Variants in TDRKH observed in about 807,000 individuals in gnomAD.
The protein encoded by TDRKH is tudor and KH domain containing.
A neutral mutation model predicts 61.3 loss-of-function variants in TDRKH; 28 were observed. That is an observed-to-expected ratio of 0.46 (90% confidence interval 0.34 to 0.63). TDRKH has a LOEUF of 0.63. Among genes scored for constraint, TDRKH ranks in the 20% least tolerant of loss-of-function variants. The probability of loss-of-function intolerance (pLI) is 0.01; values close to 1 mark genes in which losing one functional copy is unlikely to be tolerated. For missense variants in TDRKH, 540 were observed against 683.4 expected, an observed-to-expected ratio of 0.79 and a Z score of 2.34; for synonymous variants, 219 against 244.4, an observed-to-expected ratio of 0.90 and a Z score of 0.97.
chr1:151,770,278 C>A (rs1648625193), downstream of TDRKH: 1 of 1,608,890 alleles, frequency 6.2e-7, no homozygotes, highest in African/African-American at 1.3e-5. Context: ...GCTGTTCTTC[C>A]TTGCTTTTCG....
downstream of TDRKH, chr1:151,766,786 G>A (rs1451075862): frequency 5.7e-6 from 9 of 1,582,102 alleles, no homozygotes; most frequent in East Asian, 2.3e-5. Context: ...GGAAAAACAC[G>A]TAACTACCTC....
downstream of TDRKH, chr1:151,768,341 A>G: frequency 6.9e-7 from 1 of 1,454,296 alleles, no homozygotes; most frequent in Non-Finnish European, 9.2e-7. Context: ...TAAGCAATCC[A>G]TTCACCTGGC....
At position 151,776,208 on chromosome 1, in the gene TDRKH, A is replaced by T. The variant is rs759789187; in HGVS notation, c.1105T>A (p.Ser369Thr). The T allele has an allele frequency of 2.5e-6, 4 of 1,614,194 alleles. No individual in the cohort carries two copies. The highest frequency in any genetic ancestry group is 3.4e-6 in the Non-Finnish European group (4 of 1,180,032). ...CCGAGGACCCGGGCTCGATACCAGG[A>T]ACCATTTGTAGGTAAAGGTGCTGCT... ...IVAAPLPTNG[S>T]WYRARVLGTL... The change falls in exon 8 of 13, where the codon TCC (serine) becomes ACC (threonine). Residue 369 changes from serine (S) to threonine (T), a missense_variant. Transcript: ENST00000368824.
chr1:151,778,849 G>T lies in TDRKH; in HGVS notation c.719C>A (p.Thr240Asn). 1 of 1,614,210 alleles carries T rather than the reference G, an allele frequency of 6.2e-7. No homozygotes were observed. Among genetic ancestry groups the T allele is most frequent in the Non-Finnish European group, 8.5e-7 (1 of 1,180,040 alleles). Residue 240 changes from threonine to asparagine, a missense_variant, in exon 6 of 13, where the codon ACC (threonine) becomes AAC (asparagine). Physicochemically the swap from Thr to Asn is moderately conservative, Grantham distance 65 (BLOSUM62 0). Coordinates refer to ENST00000368824, the MANE Select transcript of TDRKH (RefSeq NM_001083965.2). ...TGCAGTCGGCTCCATGCTAGAACTG[G>T]TGTTTTTCCATAATGCTGGCTCTCC... Reference protein sequence around the residue: ...GAGEPALWKNTSSSMEPTAPL... With the variant: ...GAGEPALWKNNSSSMEPTAPL...
At chr1:151,766,543 G>A (rs1284688947), downstream of TDRKH, 1 of 636,486 alleles carries the variant, frequency 1.6e-6, no homozygotes, top group Non-Finnish European at 2.7e-6. Flanking sequence ...AGTCGAATAT[G>A]AGCCTTGGAT....
At chr1:151,769,566 G>T, downstream of TDRKH, 1 of 202,046 alleles carries the variant, frequency 4.9e-6, no homozygotes, top group Non-Finnish European at 1.0e-5. Context: ...CGGCTGGGCG[G>T]AGACGCTCCT....
At chr1:151,767,879 T>C, downstream of TDRKH, 1 of 779,612 alleles carries the variant, frequency 1.3e-6, no homozygotes, top group East Asian at 2.7e-5. Flanking sequence ...AAAGGAGAAC[T>C]CCACAATAGG....
chr1:151,770,219 CTG>C (rs760387472), downstream of TDRKH: 4 of 1,613,786 alleles, frequency 2.5e-6, no homozygotes, highest in African/African-American at 1.3e-5. Context: ...AATGTGGACT[CTG>C]TGTTTGTGAA....
downstream of TDRKH, chr1:151,769,589 G>A (rs1002856014): frequency 1.4e-5 from 3 of 209,140 alleles, no homozygotes; most frequent in Admixed American, 5.3e-5. Flanking sequence ...CTTCCTAGAC[G>A]GGATGACGGC....
chr1:151,787,602 G>A (rs570236621), intron 1 of TDRKH, among the ~76,000 whole-genome samples: 5 of 151,904 alleles, frequency 3.3e-5, no homozygotes, highest in African/African-American at 9.7e-5. Context: ...GCTCTTTCTT[G>A]TGTGCTGAGC....
chr1:151,775,326 G>T, intron 10 of TDRKH, 66 bp downstream of exon 10: 1 of 1,566,768 alleles, frequency 6.4e-7, no homozygotes, highest in Non-Finnish European at 8.6e-7. Flanking sequence ...TTCTGAGGAA[G>T]AAAAAGTAAA....
chr1:151,777,407 T>C (rs974852776), intron 6 of TDRKH, among the ~76,000 whole-genome samples: 1 of 151,794 alleles, frequency 6.6e-6, no homozygotes, highest in Admixed American at 6.6e-5. Context: ...GAATGCACCA[T>C]TGCACTCCAG....
downstream of TDRKH, among the ~76,000 whole-genome samples, chr1:151,772,984 C>T (rs1236506173): frequency 2.6e-5 from 4 of 152,278 alleles, no homozygotes; most frequent in South Asian, 2.1e-4. Context: ...GTGCCTCAGC[C>T]TCCCAAATAG....
At position 151,776,434 on chromosome 1, in the gene TDRKH, C is replaced by T. The variant is rs1649189706; in HGVS notation, c.1044+5G>A. The T allele has an allele frequency of 6.2e-7, 1 of 1,614,022 alleles. No individual in the cohort carries two copies. The highest frequency in any genetic ancestry group is 8.5e-7 in the Non-Finnish European group (1 of 1,179,998). On this transcript the variant is annotated splice_donor_5th_base_variant and intron_variant, in intron 7 of 12. Transcript: ENST00000368824. ...AACCCCAGCCCTGTCCCTATGGCAA[C>T]TCACCACACTATTCTCATAGTGCTG...
chr1:151,768,060 TG>T, downstream of TDRKH: 1 of 1,613,970 alleles, frequency 6.2e-7, no homozygotes, highest in East Asian at 2.2e-5. Context: ...TTTTCCAGGC[TG>T]GGAACTTGAC....
chr1:151,767,106 T>G (rs1264534808), downstream of TDRKH: 2 of 1,601,374 alleles, frequency 1.2e-6, no homozygotes, highest in Non-Finnish European at 1.7e-6. Flanking sequence ...CCTGGTACTG[T>G]GTATCTTCCC....
chr1:151,770,291 C>G, downstream of TDRKH: 1 of 1,600,642 alleles, frequency 6.2e-7, no homozygotes, highest in Non-Finnish European at 8.5e-7. Context: ...GCTTTTCGCG[C>G]TGAGGCAGCT....
chr1:151,776,678 G>A, intron 6 of TDRKH, 79 bp from the exon 7 acceptor site: 1 of 1,523,932 alleles, frequency 6.6e-7, no homozygotes, highest in Non-Finnish European at 8.9e-7. Flanking sequence ...GGTAGTGAGA[G>A]GTACAAATAC....
downstream of TDRKH, chr1:151,771,854 C>G (rs1174893088): frequency 5.0e-6 from 2 of 398,350 alleles, no homozygotes; most frequent in Non-Finnish European, 4.4e-6. Context: ...AGACATTACT[C>G]ATTTTCCAGG....
Sources: gnomAD v4.1 joint callset for allele counts (sites outside exome capture counted in the v4.1 genomes callset) on GRCh38, gnomAD v4.1.1 for gene constraint, MANE v1.5 for transcripts, NCBI Gene and HGNC (gene_info 2026-07-23, HGNC 2026-07-21) for gene names.